The following MAPK6 variants were observed in gnomAD, a reference collection of about 807,000 sequenced individuals.
MAPK6 encodes the protein mitogen-activated protein kinase 6.
In MAPK6, 19 loss-of-function variants were observed where a neutral mutation model predicts 59.3. The ratio of observed to expected loss-of-function variants is 0.32; its 90% confidence interval spans 0.22 to 0.47. The LOEUF is 0.47. Among genes scored for constraint, MAPK6 ranks in the 20% least tolerant of loss-of-function variants. The pLI is 1.00. For missense variants in MAPK6, 724 were observed against 847.9 expected, an observed-to-expected ratio of 0.85 and a Z score of 1.81; for synonymous variants, 316 against 290.3, an observed-to-expected ratio of 1.09 and a Z score of -0.90.
At chr15:52,058,371 G>A (rs1396245171) in intron 3 of MAPK6, among the ~76,000 whole-genome samples, 1 of 151,892 alleles carries the variant, frequency 6.6e-6, no homozygotes, top group African/African-American at 2.4e-5. Context: ...TTTTTCACTA[G>A]TTTGTGATAA....
At position 52,046,303 on chromosome 15, in the gene MAPK6, G is replaced by T; in HGVS notation, c.-158G>T. ...AATCTAAGGGGAACTCGACAGGCCT[G>T]TTTGGCATATGCAATGAACATCAAG... On this transcript the variant is annotated 5_prime_UTR_variant, in exon 2 of 6. Transcript: ENST00000261845. The T allele has an allele frequency of 1.6e-6, 1 of 613,504 alleles. No homozygotes were observed. Among genetic ancestry groups the T allele is most frequent in the East Asian group, 2.8e-5 (1 of 35,892 alleles). The allele number at this position is 613,504 out of a possible 1,614,324, so 38.0% of individuals were successfully genotyped here.
chr15:52,063,466 A>C (rs1391344769), intron 5 of MAPK6, among the ~76,000 whole-genome samples: 1 of 152,188 alleles, frequency 6.6e-6, no homozygotes, highest in African/African-American at 2.4e-5. Flanking sequence ...GCACGTATAC[A>C]CAGGGAGATT....
intron 1 of MAPK6, among the ~76,000 whole-genome samples, chr15:52,021,762 CTG>C (rs1480089988): frequency 6.6e-6 from 1 of 152,032 alleles, no homozygotes; most frequent in Non-Finnish European, 1.5e-5. Context: ...AGATATGGCT[CTG>C]AATATGAAAG....
intron 3 of MAPK6, chr15:52,011,306 T>G (rs1459755766): frequency 6.6e-6 from 1 of 152,270 alleles, no homozygotes; most frequent in Non-Finnish European, 1.5e-5. Context: ...GTGACCCTCC[T>G]GTCTCAGCCT....
intron 1 of MAPK6, among the ~76,000 whole-genome samples, chr15:52,029,005 T>G (rs1242640823): frequency 6.6e-6 from 1 of 152,246 alleles, no homozygotes; most frequent in African/African-American, 2.4e-5. Context: ...ACATATGTTC[T>G]TGTTTTCCTT....
At chr15:51,973,520 T>C (rs1252446182) in intron 1 of MAPK6, among the ~76,000 whole-genome samples, 1 of 151,908 alleles carries the variant, frequency 6.6e-6, no homozygotes, top group Non-Finnish European at 1.5e-5. Context: ...TCTTAATAAA[T>C]TGAATTACAG....
chr15:52,053,754 C>G (rs1227205693), intron 3 of MAPK6, among the ~76,000 whole-genome samples: 1 of 151,960 alleles, frequency 6.6e-6, no homozygotes, highest in Non-Finnish European at 1.5e-5. Context: ...ATTCTCCTCC[C>G]TCAGCCTCCT....
At chr15:52,013,326 C>A (rs1284955750) in intron 3 of MAPK6, among the ~76,000 whole-genome samples, 1 of 151,984 alleles carries the variant, frequency 6.6e-6, no homozygotes, top group African/African-American at 2.4e-5. Context: ...TCTTCCCTAA[C>A]ATACTGTCTT....
intron 1 of MAPK6, among the ~76,000 whole-genome samples, chr15:52,023,295 G>T (rs535382196): frequency 1.6e-4 from 24 of 152,250 alleles, no homozygotes; most frequent in Non-Finnish European, 2.8e-4. Flanking sequence ...TGCCTCAGAA[G>T]TAAATTCTGT....
At chr15:52,028,106 C>G (rs1439529372) in intron 1 of MAPK6, among the ~76,000 whole-genome samples, 1 of 152,066 alleles carries the variant, frequency 6.6e-6, no homozygotes, top group East Asian at 1.9e-4. Context: ...GCGCCTGCCA[C>G]CACGCCCGGC....
intron 3 of MAPK6, chr15:52,056,989 C>T (rs901037480): frequency 2.6e-5 from 4 of 152,208 alleles, no homozygotes; most frequent in Non-Finnish European, 4.4e-5. Flanking sequence ...CTTCCTCATA[C>T]GTTGTTTTTA....
intron 1 of MAPK6, among the ~76,000 whole-genome samples, chr15:52,042,532 TA>T (rs2031458182): frequency 6.6e-6 from 1 of 151,030 alleles, no homozygotes; most frequent in Non-Finnish European, 1.5e-5. Flanking sequence ...TTGGTCTCAA[TA>T]AAATTTAAGG....
chr15:51,973,260 C>G (rs2057144047), intron 1 of MAPK6, among the ~76,000 whole-genome samples: 2 of 151,916 alleles, frequency 1.3e-5, no homozygotes, highest in Non-Finnish European at 2.9e-5. Context: ...TGAAAACTAT[C>G]TGGAATACTG....
At chr15:52,031,727 A>G (rs1037824408) in intron 1 of MAPK6, among the ~76,000 whole-genome samples, 1 of 152,164 alleles carries the variant, frequency 6.6e-6, no homozygotes, top group Non-Finnish European at 1.5e-5. Flanking sequence ...AGCTACTCAG[A>G]AGGCTGAGAT....
intron 1 of MAPK6, among the ~76,000 whole-genome samples, chr15:52,023,307 T>C (rs2030618905): frequency 6.6e-6 from 1 of 152,182 alleles, no homozygotes; most frequent in Non-Finnish European, 1.5e-5. Flanking sequence ...AAATTCTGTG[T>C]GGCATTGTTG....
chr15:51,977,215 C>A (rs1376901456), intron 1 of MAPK6, among the ~76,000 whole-genome samples: 1 of 151,576 alleles, frequency 6.6e-6, no homozygotes, highest in Non-Finnish European at 1.5e-5. Context: ...ATTGTCCAGG[C>A]TGGTCTCGAG....
At chr15:52,033,438 C>T (rs192192490) in intron 1 of MAPK6, among the ~76,000 whole-genome samples, 134 of 152,252 alleles carry the variant, frequency 8.8e-4, no homozygotes, top group African/African-American at 2.9e-3. Flanking sequence ...ATTTTTCATC[C>T]GTCCTGGATG....
intron 3 of MAPK6, chr15:52,056,798 T>C (rs1233531237): frequency 6.6e-6 from 1 of 152,164 alleles, no homozygotes; most frequent in East Asian, 1.9e-4. Flanking sequence ...GGTAGTCTCA[T>C]TCTTTTTCAT....
intron 3 of MAPK6, among the ~76,000 whole-genome samples, chr15:52,050,569 G>A (rs978742129): frequency 2.0e-5 from 3 of 152,198 alleles, no homozygotes; most frequent in African/African-American, 7.2e-5. Context: ...AAGTGTGTGA[G>A]AGAGGACTTT....
Sources: allele counts gnomAD v4.1 joint callset (sites outside exome capture counted in the v4.1 genomes callset), GRCh38; gene constraint gnomAD v4.1.1; transcripts MANE v1.5; gene names NCBI Gene and HGNC (gene_info 2026-07-23, HGNC 2026-07-21).